The following EP400 variants were observed in gnomAD, a reference collection of about 807,000 sequenced individuals.
EP400 encodes E1A binding protein p400, also known as E1A-binding protein p400.
Under a neutral mutation model 354.1 loss-of-function variants are expected in EP400, and 105 were observed. The ratio of observed to expected loss-of-function variants is 0.30; its 90% CI spans 0.25 to 0.35. The LOEUF is 0.35. EP400 is among the 10% of genes least tolerant of loss of function. The probability of loss-of-function intolerance (pLI) is 1.00; values close to 1 mark genes in which losing one functional copy is unlikely to be tolerated. For synonymous variants in EP400, 1,646 were observed against 1,716.9 expected (o/e 0.96, Z 1.02); for missense variants, 3,280 against 4,121.0 (o/e 0.80, Z 5.59).
rs1395587120 is a variant in EP400, at chr12:132,045,839, G to A, written c.7139G>A (p.Arg2380His). 2 of 1,614,070 alleles carry A rather than the reference G, an allele frequency of 1.2e-6. No individual in the cohort carries two copies. Among genetic ancestry groups the A allele is most frequent in the Admixed American group, 1.7e-5 (1 of 60,006 alleles). Reference sequence around the variant, plus strand: ...GTTAACTCCTGTAGCCGAATCTACCGCTCTTCCAAACAGTGCCGGAATCGC... The same window carrying A: ...GTTAACTCCTGTAGCCGAATCTACCACTCTTCCAAACAGTGCCGGAATCGC... ...DVVNSCSRIYRSSKQCRNRYE... is the reference protein window; with the variant it reads ...DVVNSCSRIYHSSKQCRNRYE... Residue 2380 changes from arginine (R) to histidine (H), a missense_variant, in exon 39 of 53, where the codon CGC (arginine) becomes CAC (histidine). Arg to His is a conservative substitution (Grantham distance 29, BLOSUM62 0). Around this residue, in one of 20 missense-constraint regions of EP400, gnomAD observed 84 missense variants for 133.0 expected, o/e 0.63. Transcript: ENST00000389561.
intron 2 of EP400, among the ~76,000 whole-genome samples, chr12:131,974,180 C>T (rs772893079): frequency 2.6e-5 from 4 of 151,932 alleles, no homozygotes; most frequent in Admixed American, 6.6e-5. Flanking sequence ...GGTTTCACCA[C>T]GTTGGCCAGC....
intron 2 of EP400, among the ~76,000 whole-genome samples, chr12:131,962,464 C>G (rs1468866619): frequency 6.6e-6 from 1 of 152,178 alleles, no homozygotes; most frequent in Non-Finnish European, 1.5e-5. Flanking sequence ...TTATAATAAC[C>G]AGCCATAAGT....
chr12:131,960,455 T>G (rs1891840671), intron 1 of EP400, 130 bp from the exon 2 acceptor site: 1 of 936,588 alleles, frequency 1.1e-6, no homozygotes, highest in African/African-American at 1.7e-5. Context: ...ATATTGAATG[T>G]GAGTCAGCTC....
intron 19 of EP400, among the ~76,000 whole-genome samples, chr12:132,016,682 T>C (rs930473646): frequency 1.3e-5 from 2 of 152,178 alleles, no homozygotes; most frequent in African/African-American, 4.8e-5. Flanking sequence ...TTGGTTGGGT[T>C]CTGTGGTGCG....
intron 32 of EP400, among the ~76,000 whole-genome samples, 182 bp from the exon 33 acceptor site, chr12:132,043,122 T>C (rs775558112): frequency 1.2e-4 from 18 of 152,250 alleles, no homozygotes; most frequent in Non-Finnish European, 2.5e-4. Context: ...ATTTTCTGTA[T>C]TCCCTAAGTG....
At chr12:131,957,971 A>T (rs541968324) in intron 1 of EP400, among the ~76,000 whole-genome samples, 147 of 152,306 alleles carry the variant, frequency 9.7e-4, no homozygotes, top group Admixed American at 2.6e-3. Flanking sequence ...TGTTTTTATG[A>T]CATAACTTTA....
intron 19 of EP400, among the ~76,000 whole-genome samples, chr12:132,016,247 C>T (rs748751264): frequency 1.4e-4 from 21 of 152,222 alleles, no homozygotes; most frequent in Non-Finnish European, 2.9e-4. Flanking sequence ...CTCCATTTTT[C>T]GGTCTCCACT....
intron 5 of EP400, among the ~76,000 whole-genome samples, chr12:131,983,263 G>A (rs995957075): frequency 1.3e-5 from 2 of 152,192 alleles, no homozygotes; most frequent in South Asian, 2.1e-4. Flanking sequence ...CCCACCAGAC[G>A]TGCTCCCTGG....
At chr12:132,046,339 A>C (rs867297971) in intron 39 of EP400, among the ~76,000 whole-genome samples, 1 of 152,194 alleles carries the variant, frequency 6.6e-6, no homozygotes, top group Non-Finnish European at 1.5e-5. Flanking sequence ...TGTCATCCAA[A>C]CACTTGGTCA....
intron 39 of EP400, 91 bp downstream of exon 39, chr12:132,045,991 G>C: frequency 6.8e-7 from 1 of 1,475,926 alleles, no homozygotes; most frequent in South Asian, 1.3e-5. Context: ...GCTCTTCACT[G>C]ACTGGGCTCC....
chr12:131,996,814 T>G (rs1017260301), intron 12 of EP400, among the ~76,000 whole-genome samples: 2 of 152,200 alleles, frequency 1.3e-5, no homozygotes, highest in Admixed American at 1.3e-4. Flanking sequence ...ATTTTGGTGT[T>G]TTCTTTCCTT....
chr12:132,043,484 C>T (rs781243064), intron 33 of EP400, 22 bp downstream of exon 33: 15 of 1,604,252 alleles, frequency 9.4e-6, no homozygotes, highest in Non-Finnish European at 1.3e-5. Flanking sequence ...TTTTCCTTTA[C>T]AACTACATAT....
At chr12:131,983,865 G>C (rs1172480497) in intron 5 of EP400, among the ~76,000 whole-genome samples, 1 of 151,924 alleles carries the variant, frequency 6.6e-6, no homozygotes, top group East Asian at 1.9e-4. Context: ...TTGTTGTAGA[G>C]ATGGGATTTC....
intron 41 of EP400, among the ~76,000 whole-genome samples, chr12:132,051,861 C>T (rs769323064): frequency 2.0e-5 from 3 of 152,084 alleles, no homozygotes; most frequent in Middle Eastern, 3.2e-3. Context: ...GGTGTTTTTC[C>T]TTGACACTAA....
At position 131,960,571 on chromosome 12, in the gene EP400, A is replaced by G; in HGVS notation, c.-35-14A>G. The G allele has an allele frequency of 6.6e-7, 1 of 1,525,262 alleles. No homozygotes were observed. The highest frequency in any genetic ancestry group is 1.2e-5 in the South Asian group (1 of 80,758). The allele number at this position is 1,525,262 out of a possible 1,614,324, so 94.5% of individuals were successfully genotyped here. Reference sequence around the variant, plus strand: ...TGTGCCTTCAAGTGACTTGATTTTAATTTTAATTTTTAGGAGAACGACACA... The same window carrying G: ...TGTGCCTTCAAGTGACTTGATTTTAGTTTTAATTTTTAGGAGAACGACACA... On this transcript the variant is annotated splice_polypyrimidine_tract_variant and intron_variant, in intron 1 of 52. Coordinates refer to ENST00000389561, the MANE Select transcript of EP400 (RefSeq NM_015409.5).
intron 2 of EP400, among the ~76,000 whole-genome samples, chr12:131,968,193 GTTC>G (rs1321592217): frequency 1.3e-5 from 2 of 152,094 alleles, no homozygotes; most frequent in Non-Finnish European, 2.9e-5. Context: ...TCAGAAAGAT[GTTC>G]TTCTGTGTTG....
Position 132,078,355 on chromosome 12 carries a change from C to T in EP400, c.*682C>T, listed in dbSNP as rs1228930759. ...ATTGCATTGTTATTCCAAAGAGCAG[C>T]CAACAGTGGCCTCCCCCAGGCCCTA... On this transcript the variant is annotated 3_prime_UTR_variant, in exon 53 of 53. Transcript: ENST00000389561. The T allele has an allele frequency of 1.3e-5, 2 of 152,390 alleles. No homozygotes were observed. The highest frequency in any genetic ancestry group is 2.9e-5 in the Non-Finnish European group (2 of 68,142). 9.4% of individuals were successfully genotyped at this position (152,390 alleles called of 1,614,324 possible). A position where few individuals can be genotyped will look rare whatever the true frequency, so the allele number is the denominator to read the frequency against.
In EP400 at chr12:132,025,390, AC is replaced by A. The variant is rs1417573184; in HGVS notation, c.4856-254del. On this transcript the variant is annotated intron_variant, in intron 24 of 52. Transcript: ENST00000389561. This position sits in a 1 kb window ranked among gnomAD's most constrained non-coding sequence, Gnocchi z 4.1. ...GGTCCTCAGCAGCTGTGTGTCACCC[AC>A]CTTCCATGAGGGACAGAGGGTAGAT... is the stretch of plus-strand genomic sequence containing the variant. 1.3e-5 allele frequency among the ~76,000 whole-genome samples: 2 copies of A among 152,128 alleles called. No homozygotes were observed. The highest frequency in any genetic ancestry group is 4.8e-5 in the African/African-American group (2 of 41,414).
rs531698168 is a variant in EP400 at position 132,057,602 on chromosome 12, C to T, written c.7884+2394C>T. Reference sequence around the variant, plus strand: ...ATATTGTACTCTGTAAATTACCCTTCAATAAATCCCTCTAAAACACTCTTA... The same window carrying T: ...ATATTGTACTCTGTAAATTACCCTTTAATAAATCCCTCTAAAACACTCTTA... On this transcript the variant is annotated intron_variant, in intron 45 of 52. Transcript: ENST00000389561. Among the ~76,000 whole-genome samples the T allele has an allele frequency of 2.6e-5, 4 of 152,294 alleles. No homozygotes were observed. In the East Asian group the frequency reaches 7.7e-4, roughly 29 times the overall value.
Sources: gnomAD v4.1 joint callset for allele counts (sites outside exome capture counted in the v4.1 genomes callset) on GRCh38, gnomAD v4.1.1 for gene constraint, gnomAD v4.1.1 regional missense constraint, Gnocchi (gnomAD v3.1) non-coding constraint, MANE v1.5 for transcripts, NCBI Gene and HGNC (gene_info 2026-07-23, HGNC 2026-07-21) for gene names.